TRIML1: variants seen among roughly 807,000 people sequenced by gnomAD.
The protein encoded by TRIML1 is probable E3 ubiquitin-protein ligase TRIML1.
Under a neutral mutation model 32.3 loss-of-function variants are expected in TRIML1, and 34 were observed. The observed-to-expected ratio is 1.05, with a 90% CI of 0.80 to 1.40. The LOEUF (loss-of-function observed/expected upper bound fraction) is 1.40, where lower values mean the gene tolerates loss of function less well. Ranked by LOEUF, TRIML1 falls within the 40% of genes most tolerant of loss-of-function variation. The probability of loss-of-function intolerance (pLI) is 0.00; values close to 1 mark genes in which losing one functional copy is unlikely to be tolerated. For synonymous variants in TRIML1, 244 were observed against 226.6 expected, an observed-to-expected ratio of 1.08 and a Z score of -0.69; for missense variants, 595 against 574.9, an observed-to-expected ratio of 1.03 and a Z score of -0.36.
rs1171250937 is a variant in TRIML1, at chr4:188,142,369, A to G, written c.622A>G (p.Met208Val). Residue 208 changes from methionine (M) to valine (V), a missense_variant, in exon 3 of 6, where the codon ATG becomes GTG. Coordinates refer to ENST00000332517, the MANE Select transcript of TRIML1 (RefSeq NM_178556.5). ...QLLEQEEKEN[M>V]RKLRNNEIKL... is the part of the protein sequence containing the mutation. Reference sequence around the variant, plus strand: ...ACTAGAACAGGAAGAGAAAGAGAACATGAGGAAGCTGAGGAACAATGAGAT... The same window carrying G: ...ACTAGAACAGGAAGAGAAAGAGAACGTGAGGAAGCTGAGGAACAATGAGAT... The G allele has an allele frequency of 5.6e-6, 9 of 1,613,884 alleles. No individual in the cohort carries two copies. Among genetic ancestry groups the G allele is most frequent in the Admixed American group, 1.7e-5 (1 of 59,958 alleles).
Position 188,139,620 on chromosome 4 carries a change from A to G in TRIML1, c.62A>G (p.Asp21Gly). 1.9e-6 allele frequency: 3 copies of G among 1,613,708 alleles called. No individual in the cohort carries two copies. The highest frequency in any genetic ancestry group is 2.5e-6 in the Non-Finnish European group (3 of 1,179,812). ...GAACTCACCTGTTTCATCTGCTTAGACTATTTCAGCAGCCCAGTGACCACC... is the reference window on the plus strand; with the variant it reads ...GAACTCACCTGTTTCATCTGCTTAGGCTATTTCAGCAGCCCAGTGACCACC... ...REELTCFICL[D>G]YFSSPVTTEC... Residue 21 changes from aspartate to glycine, a missense_variant, in exon 1 of 6, where the codon GAC (aspartate) becomes GGC (glycine). Coordinates refer to ENST00000332517, the MANE Select transcript of TRIML1 (RefSeq NM_178556.5).
In TRIML1 at chr4:188,139,821, G is replaced by C. The variant is rs980069451; in HGVS notation, c.263G>C (p.Ser88Thr). 6.2e-7 allele frequency: 1 copy of C among 1,613,938 alleles called. No individual in the cohort carries two copies. Among genetic ancestry groups the C allele is most frequent in the African/African-American group, 1.3e-5 (1 of 75,046 alleles). The change falls in exon 1 of 6, where the codon AGC (serine) becomes ACC (threonine). Residue 88 changes from serine (S) to threonine (T), a missense_variant. Transcript: ENST00000332517. ...ARQLRSQVLQ[S>T]EDEQGSYGRM... ...CAGCTCCGGTCCCAGGTGCTGCAGA[G>C]CGAGGATGAGCAGGGCAGCTACGGG... is the stretch of plus-strand genomic sequence containing the variant.
intron 5 of TRIML1, 95 bp from the exon 6 acceptor site, chr4:188,146,727 C>G: frequency 1.9e-6 from 2 of 1,043,080 alleles, no homozygotes; most frequent in Non-Finnish European, 2.6e-6. Context: ...TTTAAAAAAC[C>G]AGGACTAAAT....
upstream of TRIML1, among the ~76,000 whole-genome samples, chr4:188,137,916 C>CTT (rs1298700958): frequency 2.4e-4 from 32 of 131,570 alleles, 2 homozygotes; most frequent in African/African-American, 6.3e-4. Flanking sequence ...CCTGGCCAAA[C>CTT]TTTTTTTCTT....
Position 188,147,062 on chromosome 4 carries a change from G to A in TRIML1, c.1097G>A (p.Gly366Glu), listed in dbSNP as rs774965334. Residue 366 changes from glycine (G) to glutamate (E), a missense_variant, in exon 6 of 6, where the codon GGG becomes GAG. Transcript: ENST00000332517. ...TGCAAGGACTCTGTGAGCAGAAAGGGGAATCTCCCCAAGCCACCTGGGGAC... is the reference window on the plus strand; with the variant it reads ...TGCAAGGACTCTGTGAGCAGAAAGGAGAATCTCCCCAAGCCACCTGGGGAC... ...GICKDSVSRKGNLPKPPGDLF... is the reference protein window; with the variant it reads ...GICKDSVSRKENLPKPPGDLF... The A allele has an allele frequency of 5.0e-6, 8 of 1,613,330 alleles. No individual in the cohort carries two copies. The East Asian group carries it at 1.3e-4, about 27-fold the overall frequency.
At chr4:188,138,887 C>T (rs1023015309), upstream of TRIML1, among the ~76,000 whole-genome samples, 11 of 151,986 alleles carry the variant, frequency 7.2e-5, no homozygotes, top group African/African-American at 2.4e-4. Context: ...GGCAATTCAT[C>T]GTGCGCCTAA....
rs1553999657 is a variant in TRIML1 at position 188,142,207 on chromosome 4, CGTG to C, written c.505-44_505-42del. 4 of 1,014,830 alleles carry C rather than the reference CGTG, an allele frequency of 3.9e-6. No homozygotes were observed. In the African/African-American group the frequency reaches 7.0e-5, roughly 18 times the overall value. The allele number at this position is 1,014,830 out of a possible 1,614,324, so 62.9% of individuals were successfully genotyped here. ...GGCATTTCTCTTACTAACTTTATCT[CGTG>C]TGTGTGTGTGTGTGTGTGTGTGTGT... On this transcript the variant is annotated intron_variant, in intron 2 of 5. Coordinates refer to ENST00000332517, the MANE Select transcript of TRIML1 (RefSeq NM_178556.5).
chr4:188,149,778 G>C (rs1040917463), downstream of TRIML1, among the ~76,000 whole-genome samples: 2 of 151,988 alleles, frequency 1.3e-5, no homozygotes, highest in Non-Finnish European at 2.9e-5. Flanking sequence ...ACTATCTGTG[G>C]CCCACTGTGT....
downstream of TRIML1, chr4:188,147,755 G>C (rs547060323): frequency 6.2e-6 from 1 of 160,242 alleles, no homozygotes; most frequent in South Asian, 2.0e-4. Context: ...TGTGCTGCTC[G>C]AATGTGTCTT....
downstream of TRIML1, among the ~76,000 whole-genome samples, chr4:188,149,165 C>T (rs549399411): frequency 2.0e-5 from 3 of 151,932 alleles, no homozygotes; most frequent in Admixed American, 6.6e-5. Flanking sequence ...GTGATCCACC[C>T]GCCTCCACCT....
downstream of TRIML1, among the ~76,000 whole-genome samples, chr4:188,149,208 C>A (rs556845318): frequency 6.6e-6 from 1 of 151,960 alleles, no homozygotes; most frequent in Non-Finnish European, 1.5e-5. Context: ...CGTGAGCCCC[C>A]GCGCCTGGCC....
chr4:188,146,383 G>C (rs1362894177), intron 5 of TRIML1, among the ~76,000 whole-genome samples: 1 of 152,196 alleles, frequency 6.6e-6, no homozygotes, highest in East Asian at 1.9e-4. Context: ...AACAGTCAAA[G>C]AAGAGCTCAG....
downstream of TRIML1, among the ~76,000 whole-genome samples, chr4:188,147,997 A>G (rs927595472): frequency 2.0e-5 from 3 of 152,210 alleles, no homozygotes; most frequent in African/African-American, 7.2e-5. Context: ...TGCTTCCATA[A>G]TCACAACAGG....
upstream of TRIML1, among the ~76,000 whole-genome samples, chr4:188,137,748 A>T (rs1301822194): frequency 6.6e-6 from 1 of 151,850 alleles, no homozygotes; most frequent in Non-Finnish European, 1.5e-5. Flanking sequence ...AAGTGCTGGG[A>T]TTACAGGCAT....
downstream of TRIML1, among the ~76,000 whole-genome samples, chr4:188,149,516 C>T (rs1456742191): frequency 6.6e-6 from 1 of 152,054 alleles, no homozygotes; most frequent in African/African-American, 2.4e-5. Context: ...AGAGGGTTTA[C>T]TGTAGGGTGC....
intron 2 of TRIML1, 71 bp downstream of exon 2, chr4:188,140,694 A>G: frequency 1.8e-6 from 2 of 1,132,428 alleles, no homozygotes; most frequent in Non-Finnish European, 1.3e-6. Flanking sequence ...ATTTAGTGAA[A>G]TATCAGGAAA....
upstream of TRIML1, among the ~76,000 whole-genome samples, chr4:188,137,657 A>T (rs1338626557): frequency 1.3e-5 from 2 of 151,086 alleles, no homozygotes; most frequent in Non-Finnish European, 2.9e-5. Flanking sequence ...TTGTATTTTT[A>T]GTAGAGACGG....
At chr4:188,144,197 C>A in intron 5 of TRIML1, 64 bp downstream of exon 5, 1 of 1,370,902 alleles carries the variant, frequency 7.3e-7, no homozygotes, top group Non-Finnish European at 1.0e-6. Flanking sequence ...TACCTTCTTC[C>A]AGTGTCAGAC....
chr4:188,149,992 G>C (rs528161228), downstream of TRIML1, among the ~76,000 whole-genome samples: 24 of 151,918 alleles, frequency 1.6e-4, no homozygotes, highest in South Asian at 5.0e-3. Context: ...TTTTTATAGA[G>C]ACAGGGTTTC....
Sources: gnomAD v4.1 joint callset for allele counts (sites outside exome capture counted in the v4.1 genomes callset) on GRCh38, gnomAD v4.1.1 for gene constraint, MANE v1.5 for transcripts, NCBI Gene and HGNC (gene_info 2026-07-23, HGNC 2026-07-21) for gene names.